Variants in CPA6 observed in about 807,000 individuals in gnomAD.
CPA6 encodes the protein carboxypeptidase B.
Under a neutral mutation model 63.3 loss-of-function variants are expected in CPA6, and 58 were observed. That is an observed-to-expected ratio of 0.92 (90% CI 0.74 to 1.14). CPA6 has a LOEUF of 1.14. CPA6 is among the 50% of genes most tolerant of loss of function. The pLI, the probability that CPA6 is intolerant of heterozygous loss-of-function variation, is 0.00. For missense variants in CPA6, 565 were observed against 526.6 expected, an observed-to-expected ratio of 1.07 and a Z score of -0.71; for synonymous variants, 185 against 179.0, an observed-to-expected ratio of 1.03 and a Z score of -0.27.
chr8:67,467,863 G>T (rs1011929695), intron 8 of CPA6, among the ~76,000 whole-genome samples: 13 of 149,648 alleles, frequency 8.7e-5, no homozygotes, highest in African/African-American at 3.3e-4. Context: ...ATTAAGCCTG[G>T]GCGACAAGAG....
In CPA6 at chr8:67,599,566, C is replaced by A. The variant is rs185658768; in HGVS notation, c.192+24610G>T. Among the ~76,000 whole-genome samples, 106 of 152,296 alleles carry A rather than the reference C, an allele frequency of 7.0e-4. 1 individual carries two copies. The highest frequency in any genetic ancestry group is 2.5e-3 in the African/African-American group (104 of 41,566). ...TAATCAACTATTGTTTCAATGGCAG[C>A]TGTCTCCTGATCTGTTGGCCTCACT... On this transcript the variant is annotated intron_variant, in intron 2 of 10. Transcript: ENST00000297770.
chr8:67,575,094 A>G (rs1813589086), intron 2 of CPA6, among the ~76,000 whole-genome samples: 1 of 152,108 alleles, frequency 6.6e-6, no homozygotes, highest in African/African-American at 2.4e-5. Context: ...GACACTTCTG[A>G]AAAGAAGACA....
At chr8:67,711,720 C>CACACACACACACACACACAT (rs764510531) in intron 1 of CPA6, among the ~76,000 whole-genome samples, 54 of 151,146 alleles carry the variant, frequency 3.6e-4, no homozygotes, top group African/African-American at 1.2e-3. Flanking sequence ...CACACACACA[C>CACACACACACACACACACAT]ACATCTGAAA....
intron 1 of CPA6, chr8:67,735,313 ACAGT>A (rs1294102696): frequency 1.3e-5 from 2 of 152,212 alleles, no homozygotes; most frequent in African/African-American, 2.4e-5. Flanking sequence ...ATAAGAAATG[ACAGT>A]CAGGATGTGA....
chr8:67,736,540 T>G (rs970087469), intron 1 of CPA6, among the ~76,000 whole-genome samples: 1 of 152,190 alleles, frequency 6.6e-6, no homozygotes, highest in Non-Finnish European at 1.5e-5. Context: ...TTATTTTCCT[T>G]TAACTGACAT....
intron 1 of CPA6, among the ~76,000 whole-genome samples, chr8:67,627,438 T>A (rs1480200823): frequency 1.3e-5 from 2 of 150,862 alleles, no homozygotes; most frequent in Non-Finnish European, 3.0e-5. Context: ...ATCAGGTTTT[T>A]TGTTTGTTTG....
At chr8:67,650,615 G>C (rs1167654701) in intron 1 of CPA6, among the ~76,000 whole-genome samples, 1 of 152,132 alleles carries the variant, frequency 6.6e-6, no homozygotes, top group African/African-American at 2.4e-5. Flanking sequence ...GCTGGTTCAT[G>C]TCTATTGAGG....
At chr8:67,435,697 G>A (rs1247840658) in intron 8 of CPA6, among the ~76,000 whole-genome samples, 1 of 152,094 alleles carries the variant, frequency 6.6e-6, no homozygotes, top group Non-Finnish European at 1.5e-5. Flanking sequence ...GGGCAGCCAA[G>A]GGCAGGGATA....
At chr8:67,648,302 T>C (rs1339808632) in intron 1 of CPA6, among the ~76,000 whole-genome samples, 1 of 150,158 alleles carries the variant, frequency 6.7e-6, no homozygotes, top group African/African-American at 2.5e-5. Flanking sequence ...TTTTCTTAGT[T>C]ATTCCTTCAT....
chr8:67,730,914 G>A (rs982781765), intron 1 of CPA6, among the ~76,000 whole-genome samples: 4 of 152,144 alleles, frequency 2.6e-5, no homozygotes, highest in African/African-American at 4.8e-5. Flanking sequence ...TATACTGTAT[G>A]TTCAAGGGCA....
intron 2 of CPA6, among the ~76,000 whole-genome samples, chr8:67,607,251 T>TCTTCTTCTTCTTCTCCTCCTCCTC (rs1554679725): frequency 1.2e-5 from 1 of 81,094 alleles, no homozygotes; most frequent in African/African-American, 6.5e-5. Context: ...TTCTTCTTCT[T>TCTTCTTCTTCTTCTCCTCCTCCTC]CTCCTCCTCC....
intron 10 of CPA6, among the ~76,000 whole-genome samples, chr8:67,423,375 G>A (rs567247466): frequency 6.6e-6 from 1 of 152,338 alleles, no homozygotes; most frequent in South Asian, 2.1e-4. Context: ...GTGAGCCACT[G>A]TGCCTGGCCC....
At position 67,718,015 on chromosome 8, in the gene CPA6, A is replaced by G. The variant is rs191487846; in HGVS notation, c.116+27999T>C. Among the ~76,000 whole-genome samples, 185 of 152,302 alleles carry G rather than the reference A, an allele frequency of 1.2e-3. 2 individuals are homozygous for G. The Middle Eastern group carries it at 0.014, about 11-fold the overall frequency. ...GATAAACACCTTTGGGGCTGAGTCTATAACACTAAAAGACACAGACGTGTG... is the reference window on the plus strand; with the variant it reads ...GATAAACACCTTTGGGGCTGAGTCTGTAACACTAAAAGACACAGACGTGTG... On this transcript the variant is annotated intron_variant, in intron 1 of 10. Transcript: ENST00000297770.
At chr8:67,447,241 G>C (rs537721824) in intron 8 of CPA6, among the ~76,000 whole-genome samples, 1 of 151,846 alleles carries the variant, frequency 6.6e-6, no homozygotes, top group African/African-American at 2.4e-5. Flanking sequence ...CTTCCATTCA[G>C]ATTTGAATTC....
At chr8:67,565,652 C>T (rs1054389200) in intron 2 of CPA6, among the ~76,000 whole-genome samples, 1 of 152,216 alleles carries the variant, frequency 6.6e-6, no homozygotes, top group Non-Finnish European at 1.5e-5. Context: ...ACCTTTAGGA[C>T]TGCATAGTCA....
chr8:67,657,469 G>A (rs926813035), intron 1 of CPA6, among the ~76,000 whole-genome samples: 7 of 152,150 alleles, frequency 4.6e-5, no homozygotes, highest in Non-Finnish European at 7.3e-5. Context: ...TCTAAAAGAT[G>A]AGAAGTATCA....
Position 67,701,801 on chromosome 8 carries a change from C to T in CPA6, c.116+44213G>A, listed in dbSNP as rs1192433081. 2.0e-5 allele frequency among the ~76,000 whole-genome samples: 3 copies of T among 152,186 alleles called. No homozygotes were observed. In the East Asian group the frequency reaches 5.8e-4, roughly 29 times the overall value. ...GAGAAGCCTCATTTATGAAGTTTTT[C>T]CTGGGAAGAACTGTAACTTCCTATA... On this transcript the variant is annotated intron_variant, in intron 1 of 10. Coordinates refer to ENST00000297770, the MANE Select transcript of CPA6 (RefSeq NM_020361.5).
At chr8:67,525,035 T>G (rs901409901) in intron 2 of CPA6, among the ~76,000 whole-genome samples, 1 of 152,232 alleles carries the variant, frequency 6.6e-6, no homozygotes, top group Admixed American at 6.5e-5. Flanking sequence ...TGCTTACTTT[T>G]CACTGTATTA....
chr8:67,427,995 G>T, intron 10 of CPA6, 52 bp downstream of exon 10: 1 of 1,203,772 alleles, frequency 8.3e-7, no homozygotes, highest in South Asian at 1.3e-5. Flanking sequence ...TCATGATACA[G>T]GATATTGGTT....
Sources: allele counts gnomAD v4.1 joint callset (sites outside exome capture counted in the v4.1 genomes callset), GRCh38; gene constraint gnomAD v4.1.1; transcripts MANE v1.5; gene names NCBI Gene and HGNC (gene_info 2026-07-23, HGNC 2026-07-21).